AHCYL2: variants seen among roughly 807,000 people sequenced by gnomAD.
The protein encoded by AHCYL2 is adenosylhomocysteinase like 2.
A neutral mutation model predicts 81.4 loss-of-function variants in AHCYL2; 28 were observed. The ratio of observed to expected loss-of-function variants is 0.34; its 90% CI spans 0.25 to 0.47. The LOEUF is 0.47. AHCYL2 is among the 20% of genes least tolerant of loss of function. AHCYL2 has a pLI of 1.00. For synonymous variants in AHCYL2, 272 were observed against 290.2 expected, an observed-to-expected ratio of 0.94 and a Z score of 0.64; for missense variants, 551 against 785.1, an observed-to-expected ratio of 0.70 and a Z score of 3.56.
chr7:129,249,583 G>A (rs571598999), intron 1 of AHCYL2, among the ~76,000 whole-genome samples: 53 of 151,842 alleles, frequency 3.5e-4, no homozygotes, highest in Non-Finnish European at 4.9e-4. Flanking sequence ...CCGCCACCGC[G>A]CCCGGCTAAT....
intron 1 of AHCYL2, among the ~76,000 whole-genome samples, chr7:129,299,387 T>TGAGA (rs1797176067): frequency 1.8e-5 from 1 of 56,078 alleles, no homozygotes; most frequent in East Asian, 4.6e-4. Flanking sequence ...TTTTTTTTTT[T>TGAGA]TTTTTTTTTT....
intron 1 of AHCYL2, among the ~76,000 whole-genome samples, chr7:129,354,459 A>G (rs1793670741): frequency 6.6e-6 from 1 of 152,212 alleles, no homozygotes. Context: ...AGACAAGAAG[A>G]AAGGGCTGAG....
At chr7:129,280,697 T>C (rs577270073) in intron 1 of AHCYL2, among the ~76,000 whole-genome samples, 2 of 147,834 alleles carry the variant, frequency 1.4e-5, no homozygotes, top group African/African-American at 4.9e-5. Context: ...TTAGCTGTTG[T>C]TTTTTTTTTA....
In AHCYL2 at chr7:129,429,923, A is replaced by C. The variant is rs1797513580; in HGVS notation, c.*2878A>C. ...GGTTTTTAAAAAGGAATCAAAATGC[A>C]TTGTTGCATTAAGCTTTTTCAATAA... On this transcript the variant is annotated 3_prime_UTR_variant, in exon 17 of 17. Transcript: ENST00000325006. The C allele has an allele frequency of 6.6e-6, 1 of 152,444 alleles. No individual in the cohort carries two copies. Among genetic ancestry groups the C allele is most frequent in the Non-Finnish European group, 1.5e-5 (1 of 68,016 alleles). 9.4% of individuals were successfully genotyped at this position (152,444 alleles called of 1,614,324 possible). A position where few individuals can be genotyped will look rare whatever the true frequency, so the allele number is the denominator to read the frequency against.
intron 6 of AHCYL2, among the ~76,000 whole-genome samples, chr7:129,401,174 G>C (rs187091234): frequency 1.3e-5 from 2 of 152,188 alleles, no homozygotes; most frequent in East Asian, 3.9e-4. Flanking sequence ...AAATTAGCAG[G>C]ATGTGTTGGC....
Position 129,236,609 on chromosome 7 carries a change from A to G in AHCYL2, c.363+11170A>G, listed in dbSNP as rs779881312. ...GCCCGCCTCAGCCTCCCAAAGAGGC[A>G]TAAAACACAGTGCTTGGCCGTGTTT... On this transcript the variant is annotated intron_variant, in intron 1 of 16. Transcript: ENST00000325006. Among the ~76,000 whole-genome samples the G allele has an allele frequency of 5.8e-4, 89 of 152,298 alleles. No individual in the cohort carries two copies. In the Middle Eastern group the frequency reaches 0.014, roughly 23 times the overall value.
intron 1 of AHCYL2, among the ~76,000 whole-genome samples, chr7:129,324,673 G>A (rs1183379350): frequency 2.6e-5 from 4 of 151,922 alleles, no homozygotes; most frequent in South Asian, 2.1e-4. Context: ...CTGCCACCAC[G>A]CCCGGCTAAT....
Position 129,225,181 on chromosome 7 carries a change from G to A in AHCYL2, c.105G>A (p.Thr35=), listed in dbSNP as rs771241688. 5.7e-6 allele frequency: 9 copies of A among 1,574,420 alleles called. No individual in the cohort carries two copies. Among genetic ancestry groups the A allele is most frequent in the South Asian group, 4.6e-5 (4 of 87,230 alleles). The change falls in exon 1 of 17, where the codon ACG becomes ACA. Residue 35 remains threonine (T), a synonymous_variant. Coordinates refer to ENST00000325006, the MANE Select transcript of AHCYL2 (RefSeq NM_015328.4). ...CGGAGTCGCAACTAGGACTGAGCAC[G>A]GCCGCCGTGGGCGCCATGGCCCCCC... ...SEAESQLGLS[T]AAVGAMAPPA... is the part of the protein sequence containing the mutation.
chr7:129,389,691 G>T lies in AHCYL2; in HGVS notation c.677G>T (p.Gly226Val). ...KRAQGEKPLA[G>V]AKIVGCTHIT... is the part of the protein sequence containing the mutation. ...GCTCAAGGAGAAAAGCCTTTGGCTG[G>T]AGCCAAAATCGTGGGTTGCACACAC... Residue 226 changes from glycine to valine, a missense_variant, in exon 4 of 17, where the codon GGA becomes GTA. Physicochemically the swap from Gly to Val is moderately radical, Grantham distance 109. Coordinates refer to ENST00000325006, the MANE Select transcript of AHCYL2 (RefSeq NM_015328.4). 1 of 1,613,830 alleles carries T rather than the reference G, an allele frequency of 6.2e-7. No individual in the cohort carries two copies. Among genetic ancestry groups the T allele is most frequent in the Non-Finnish European group, 8.5e-7 (1 of 1,179,822 alleles).
chr7:129,252,785 G>A (rs1254001833), intron 1 of AHCYL2, among the ~76,000 whole-genome samples: 1 of 151,846 alleles, frequency 6.6e-6, no homozygotes, highest in Non-Finnish European at 1.5e-5. Flanking sequence ...TGATAGCTAG[G>A]TAGGTAGGTA....
intron 4 of AHCYL2, among the ~76,000 whole-genome samples, chr7:129,392,088 A>G (rs1795496740): frequency 6.6e-6 from 1 of 152,046 alleles, no homozygotes; most frequent in Admixed American, 6.6e-5. Flanking sequence ...ACCACCTTTC[A>G]TGGTTCCCTT....
At chr7:129,348,244 T>A (rs1417151230) in intron 1 of AHCYL2, among the ~76,000 whole-genome samples, 1 of 152,176 alleles carries the variant, frequency 6.6e-6, no homozygotes, top group East Asian at 1.9e-4. Flanking sequence ...TTGGTATATC[T>A]ATAAAATAGA....
At chr7:129,244,970 T>C (rs1794994180) in intron 1 of AHCYL2, among the ~76,000 whole-genome samples, 1 of 152,042 alleles carries the variant, frequency 6.6e-6, no homozygotes, top group African/African-American at 2.4e-5. Flanking sequence ...ATTTGCGTAG[T>C]GTAAAATCCA....
At chr7:129,320,826 G>A (rs1469685589) in intron 1 of AHCYL2, among the ~76,000 whole-genome samples, 1 of 152,082 alleles carries the variant, frequency 6.6e-6, no homozygotes, top group African/African-American at 2.4e-5. Flanking sequence ...CCTACTTTCT[G>A]TCTCTCGATT....
intron 1 of AHCYL2, among the ~76,000 whole-genome samples, chr7:129,259,922 C>T (rs979367267): frequency 5.9e-5 from 9 of 151,938 alleles, no homozygotes; most frequent in Non-Finnish European, 1.0e-4. Flanking sequence ...GCTAAAAATA[C>T]AAAACTAGCT....
intron 1 of AHCYL2, among the ~76,000 whole-genome samples, chr7:129,336,036 TTTCTCTTCTC>T (rs1167796325): frequency 2.0e-5 from 3 of 146,896 alleles, no homozygotes; most frequent in African/African-American, 7.7e-5. Context: ...TTTCTTTTCT[TTTCTCTTCTC>T]TTCTTTTCTC....
At chr7:129,374,865 CTT>C (rs397694415) in intron 1 of AHCYL2, among the ~76,000 whole-genome samples, 28 of 137,820 alleles carry the variant, frequency 2.0e-4, no homozygotes, top group Admixed American at 2.2e-4. Flanking sequence ...AACAAGCAGT[CTT>C]TTTTTTTTTT....
chr7:129,426,708 C>A lies in AHCYL2; in HGVS notation c.1829+145C>A. The A allele has an allele frequency of 9.5e-7, 1 of 1,055,158 alleles. No homozygotes were observed. Among genetic ancestry groups the A allele is most frequent in the Non-Finnish European group, 1.3e-6 (1 of 775,176 alleles). The allele number at this position is 1,055,158 out of a possible 1,614,324, so 65.4% of individuals were successfully genotyped here. A position where few individuals can be genotyped will look rare whatever the true frequency, so the allele number is the denominator to read the frequency against. The stretch of plus-strand genomic sequence containing the variant: ...TCCCCTCACTGCCACCTTCAAAAGA[C>A]TCTTCAAGGCCTTAAATAGTATTCC... On this transcript the variant is annotated intron_variant, in intron 16 of 16. Coordinates refer to ENST00000325006, the MANE Select transcript of AHCYL2 (RefSeq NM_015328.4). The surrounding 1 kb of genome is among the most constrained non-coding windows in gnomAD (Gnocchi z 4.3).
Position 129,427,031 on chromosome 7 carries a change from C to A in AHCYL2, c.1830-8C>A. ...ACATCACAGTCTCATCTTTCTTTTT[C>A]CCTCCAGGTATTAAGTTCCTGTAAC... On this transcript the variant is annotated splice_polypyrimidine_tract_variant and splice_region_variant and intron_variant, in intron 16 of 16. Transcript: ENST00000325006. This position sits in a 1 kb window ranked among gnomAD's most constrained non-coding sequence, Gnocchi z 5.5. 6.2e-7 allele frequency: 1 copy of A among 1,610,734 alleles called. No homozygotes were observed.
Sources: allele counts gnomAD v4.1 joint callset (sites outside exome capture counted in the v4.1 genomes callset), GRCh38; gene constraint gnomAD v4.1.1; non-coding constraint Gnocchi (gnomAD v3.1); transcripts MANE v1.5; gene names NCBI Gene and HGNC (gene_info 2026-07-23, HGNC 2026-07-21).